Variants in TNR observed in about 807,000 individuals in gnomAD.
TNR encodes the protein tenascin R, also known as tenascin-R.
In TNR, 45 loss-of-function variants were observed where a neutral mutation model predicts 150.4. The observed-to-expected ratio is 0.30, with a 90% CI of 0.24 to 0.38. TNR has a LOEUF of 0.38. TNR is among the 10% of genes least tolerant of loss of function. TNR has a pLI of 1.00. For missense variants in TNR, 1,544 were observed against 1,759.1 expected (o/e 0.88, Z 2.19); for synonymous variants, 687 against 678.4 (o/e 1.01, Z -0.20).
chr1:175,614,348 G>A (rs1663695958), intron 1 of TNR, among the ~76,000 whole-genome samples: 1 of 152,140 alleles, frequency 6.6e-6, no homozygotes, highest in South Asian at 2.1e-4. Flanking sequence ...TAGGTCAGGA[G>A]GGAGAGGGTT....
At chr1:175,355,392 T>G in intron 17 of TNR, 111 bp downstream of exon 17, 1 of 1,436,632 alleles carries the variant, frequency 7.0e-7, no homozygotes, top group East Asian at 2.3e-5. Context: ...GCAATCCTTG[T>G]GGATTGCTTC....
At chr1:175,739,119 G>C (rs376053960) in intron 1 of TNR, among the ~76,000 whole-genome samples, 2 of 152,160 alleles carry the variant, frequency 1.3e-5, no homozygotes, top group Non-Finnish European at 2.9e-5. Flanking sequence ...TCCCCTAAAA[G>C]AGCTGGCTGG....
At chr1:175,728,117 G>A (rs911565135) in intron 1 of TNR, among the ~76,000 whole-genome samples, 1 of 152,208 alleles carries the variant, frequency 6.6e-6, no homozygotes, top group Non-Finnish European at 1.5e-5. Context: ...TGCCAGATGA[G>A]TACAAGAAAA....
chr1:175,566,232 T>C (rs10913010), intron 1 of TNR, among the ~76,000 whole-genome samples: 23,130 of 152,264 alleles, frequency 0.15, 2,188 homozygotes, highest in African/African-American at 0.26. Flanking sequence ...TTTATTCTTT[T>C]CCCCTGGCTG....
At chr1:175,516,871 A>G (rs1283236826) in intron 2 of TNR, among the ~76,000 whole-genome samples, 2 of 152,200 alleles carry the variant, frequency 1.3e-5, no homozygotes, top group South Asian at 2.1e-4. Context: ...AAGAATAAAC[A>G]TGTGGACATG....
Position 175,661,417 on chromosome 1 carries a change from G to A in TNR, c.-165+81809C>T, listed in dbSNP as rs555377539. ...TAATTGAGAATGAAATAGGAACTCA[G>A]AGCTGGGGTGAGGCCGTGGAGGAGC... On this transcript the variant is annotated intron_variant, in intron 1 of 22. Transcript: ENST00000367674. Among the ~76,000 whole-genome samples the A allele has an allele frequency of 2.0e-5, 3 of 152,280 alleles. No individual in the cohort carries two copies. The South Asian group carries it at 6.2e-4, about 32-fold the overall frequency.
At chr1:175,563,069 G>T (rs1011626846) in intron 1 of TNR, among the ~76,000 whole-genome samples, 4 of 152,180 alleles carry the variant, frequency 2.6e-5, no homozygotes, top group Non-Finnish European at 4.4e-5. Context: ...GTCCATGAAA[G>T]GGTCTCTTGG....
chr1:175,441,700 A>G (rs1381333591), intron 2 of TNR, among the ~76,000 whole-genome samples: 2 of 152,086 alleles, frequency 1.3e-5, no homozygotes, highest in African/African-American at 2.4e-5. Context: ...AATCACTACA[A>G]TTCATCTACC....
At chr1:175,561,554 A>G (rs1242149933) in intron 1 of TNR, among the ~76,000 whole-genome samples, 3 of 152,178 alleles carry the variant, frequency 2.0e-5, no homozygotes, top group Non-Finnish European at 4.4e-5. Context: ...CTTTGGCCCC[A>G]TAATTGGTAG....
chr1:175,365,745 A>G, intron 11 of TNR, 130 bp downstream of exon 11: 4 of 1,366,952 alleles, frequency 2.9e-6, no homozygotes, highest in Middle Eastern at 5.4e-4. Flanking sequence ...TTTTTACTCT[A>G]TCCTTTTCTA....
chr1:175,589,011 T>C (rs989894966), intron 1 of TNR, among the ~76,000 whole-genome samples: 2 of 152,254 alleles, frequency 1.3e-5, no homozygotes. Context: ...GCCTGGGGGA[T>C]ACCCATTCTT....
chr1:175,628,672 A>G (rs563702677), intron 1 of TNR, among the ~76,000 whole-genome samples: 1 of 152,130 alleles, frequency 6.6e-6, no homozygotes, highest in Non-Finnish European at 1.5e-5. Context: ...GCTGAGGAGC[A>G]GGGACAGACA....
chr1:175,565,981 T>C (rs1024290595), intron 1 of TNR, among the ~76,000 whole-genome samples: 1 of 152,284 alleles, frequency 6.6e-6, no homozygotes. Context: ...ACAGGTAGAA[T>C]CTTGAAAAGG....
At chr1:175,665,123 A>T (rs1368525307) in intron 1 of TNR, among the ~76,000 whole-genome samples, 2 of 152,332 alleles carry the variant, frequency 1.3e-5, no homozygotes, top group East Asian at 3.9e-4. Context: ...CTGGACATTG[A>T]TTTGAAATGA....
At chr1:175,551,660 T>C (rs376660308) in intron 1 of TNR, among the ~76,000 whole-genome samples, 34 of 152,256 alleles carry the variant, frequency 2.2e-4, no homozygotes, top group African/African-American at 7.5e-4. Context: ...CAATTGTAAT[T>C]AAGAACAAAG....
At chr1:175,374,802 G>A (rs1652297696) in intron 9 of TNR, among the ~76,000 whole-genome samples, 1 of 152,222 alleles carries the variant, frequency 6.6e-6, no homozygotes, top group Admixed American at 6.5e-5. Context: ...CGATGAACGG[G>A]CCCTGGGTGG....
At chr1:175,626,887 A>G (rs762015982) in intron 1 of TNR, among the ~76,000 whole-genome samples, 15 of 152,228 alleles carry the variant, frequency 9.9e-5, no homozygotes, top group Non-Finnish European at 1.9e-4. Flanking sequence ...AAGGCAGAAG[A>G]GAAGAAAAAC....
intron 2 of TNR, among the ~76,000 whole-genome samples, chr1:175,514,147 A>G (rs546101674): frequency 6.6e-6 from 1 of 152,360 alleles, no homozygotes; most frequent in East Asian, 1.9e-4. Flanking sequence ...TGACCTTAAA[A>G]TAGGGAGATT....
intron 1 of TNR, among the ~76,000 whole-genome samples, chr1:175,559,161 A>G (rs1661312589): frequency 6.6e-6 from 1 of 152,236 alleles, no homozygotes; most frequent in Non-Finnish European, 1.5e-5. Context: ...TGGGGAATGA[A>G]GAGAAACTAG....
Sources: gnomAD v4.1 joint callset for allele counts (sites outside exome capture counted in the v4.1 genomes callset) on GRCh38, gnomAD v4.1.1 for gene constraint, MANE v1.5 for transcripts, NCBI Gene and HGNC (gene_info 2026-07-23, HGNC 2026-07-21) for gene names.